Variants in ENPP6 observed in about 807,000 individuals in gnomAD.
The protein encoded by ENPP6 is glycerophosphocholine cholinephosphodiesterase ENPP6.
Under a neutral mutation model 42.0 loss-of-function variants are expected in ENPP6, and 32 were observed. The ratio of observed to expected loss-of-function variants is 0.76; its 90% CI spans 0.58 to 1.02. The LOEUF is 1.02. Ranked by LOEUF, ENPP6 falls within the 50% of genes least tolerant of loss-of-function variation. The probability of loss-of-function intolerance (pLI) is 0.00; values close to 1 mark genes in which losing one functional copy is unlikely to be tolerated. For missense variants in ENPP6, 552 were observed against 566.8 expected (o/e 0.97, Z 0.27); for synonymous variants, 213 against 216.0 (o/e 0.99, Z 0.12).
intron 3 of ENPP6, among the ~76,000 whole-genome samples, chr4:184,121,996 T>C (rs1736422378): frequency 6.6e-6 from 1 of 152,202 alleles, no homozygotes; most frequent in Admixed American, 6.5e-5. Flanking sequence ...GGCAGTATCA[T>C]CCAGCCTATT....
At chr4:184,131,259 T>TTTCTCTTTCTTTCTTTC (rs1553996065) in intron 2 of ENPP6, among the ~76,000 whole-genome samples, 2,281 of 73,280 alleles carry the variant, frequency 0.031, 254 homozygotes, top group Middle Eastern at 0.038. Flanking sequence ...TTTCTCTTTC[T>TTTCTCTTTCTTTCTTTC]CTTCCTTCCT....
chr4:184,194,130 T>G (rs1482984928), intron 1 of ENPP6, among the ~76,000 whole-genome samples: 4 of 152,164 alleles, frequency 2.6e-5, no homozygotes, highest in African/African-American at 7.2e-5. Context: ...TGGTCCCTCA[T>G]CTACTCAGAT....
At chr4:184,144,561 T>C (rs73007818) in intron 2 of ENPP6, among the ~76,000 whole-genome samples, 2,653 of 152,334 alleles carry the variant, frequency 0.017, 88 homozygotes, top group African/African-American at 0.061. Context: ...TGCAGGAGTC[T>C]GGAGCAGCCA....
chr4:184,179,956 GA>G (rs1481126418), intron 1 of ENPP6, among the ~76,000 whole-genome samples: 2 of 152,030 alleles, frequency 1.3e-5, no homozygotes, highest in Non-Finnish European at 2.9e-5. Context: ...ATCACAACTA[GA>G]AGGACTAGAG....
intron 1 of ENPP6, among the ~76,000 whole-genome samples, chr4:184,174,068 G>C (rs1431618634): frequency 6.6e-6 from 1 of 151,928 alleles, no homozygotes; most frequent in African/African-American, 2.4e-5. Context: ...GGCCGGAAGA[G>C]GCACGATCCG....
intron 1 of ENPP6, among the ~76,000 whole-genome samples, chr4:184,193,461 AG>A (rs1170738919): frequency 6.6e-6 from 1 of 152,230 alleles, no homozygotes; most frequent in Non-Finnish European, 1.5e-5. Context: ...GAGGTTGCTT[AG>A]GGCTGGAGGT....
intron 1 of ENPP6, among the ~76,000 whole-genome samples, chr4:184,193,277 A>C (rs1472581125): frequency 6.6e-6 from 1 of 152,260 alleles, no homozygotes; most frequent in African/African-American, 2.4e-5. Context: ...AATGTGGCCT[A>C]TCCACACAGT....
intron 1 of ENPP6, among the ~76,000 whole-genome samples, chr4:184,176,715 T>TAACAAG (rs1737568443): frequency 8.5e-6 from 1 of 117,942 alleles, no homozygotes; most frequent in Admixed American, 9.7e-5. Flanking sequence ...GAAAGTGACA[T>TAACAAG]AACAAGAATT....
intron 2 of ENPP6, among the ~76,000 whole-genome samples, chr4:184,133,041 T>A (rs1736666375): frequency 6.6e-6 from 1 of 152,130 alleles, no homozygotes; most frequent in Non-Finnish European, 1.5e-5. Flanking sequence ...TTTTTGTAGT[T>A]TAAAGTAGGT....
At chr4:184,211,541 G>C (rs1266002259) in intron 1 of ENPP6, among the ~76,000 whole-genome samples, 2 of 152,180 alleles carry the variant, frequency 1.3e-5, no homozygotes, top group African/African-American at 2.4e-5. Context: ...AAACCAGGAA[G>C]GAATTGAATC....
At chr4:184,195,958 T>C (rs1732786962) in intron 1 of ENPP6, among the ~76,000 whole-genome samples, 3 of 152,216 alleles carry the variant, frequency 2.0e-5, no homozygotes, top group South Asian at 2.1e-4. Context: ...ATCAACTGCT[T>C]GACCTGAGGT....
intron 1 of ENPP6, among the ~76,000 whole-genome samples, chr4:184,180,489 C>T (rs1017608416): frequency 2.0e-5 from 3 of 152,126 alleles, no homozygotes; most frequent in Non-Finnish European, 4.4e-5. Flanking sequence ...AAAGGAGTGA[C>T]TCCTCCCTAA....
At chr4:184,163,141 T>C (rs1383962673) in intron 1 of ENPP6, among the ~76,000 whole-genome samples, 1 of 152,160 alleles carries the variant, frequency 6.6e-6, no homozygotes, top group Non-Finnish European at 1.5e-5. Context: ...TGTCGATCAC[T>C]TGGGCAAGGA....
At chr4:184,169,552 C>T (rs529171492) in intron 1 of ENPP6, among the ~76,000 whole-genome samples, 1 of 152,326 alleles carries the variant, frequency 6.6e-6, no homozygotes, top group East Asian at 1.9e-4. Flanking sequence ...CTGTCCCTGG[C>T]TCCTCTCTCT....
intron 1 of ENPP6, among the ~76,000 whole-genome samples, chr4:184,202,798 G>C (rs1209410712): frequency 6.6e-6 from 1 of 152,200 alleles, no homozygotes; most frequent in Non-Finnish European, 1.5e-5. Flanking sequence ...GTGTGGAATT[G>C]CTTGTTGCAA....
At chr4:184,216,884 G>A (rs955588847) in intron 1 of ENPP6, 2 of 152,156 alleles carry the variant, frequency 1.3e-5, no homozygotes, top group Admixed American at 6.5e-5. Flanking sequence ...AGGCAGTCTG[G>A]GTTAGCCGAG....
intron 2 of ENPP6, among the ~76,000 whole-genome samples, chr4:184,140,408 C>T (rs1008740425): frequency 3.3e-5 from 5 of 151,944 alleles, no homozygotes; most frequent in Non-Finnish European, 5.9e-5. Flanking sequence ...TCATATGGAA[C>T]CAAAAAAGAG....
chr4:184,138,785 C>A (rs772846467), intron 2 of ENPP6, among the ~76,000 whole-genome samples: 13 of 152,106 alleles, frequency 8.5e-5, no homozygotes, highest in Non-Finnish European at 1.6e-4. Flanking sequence ...CAACTGGGCC[C>A]GAAGTGATGT....
chr4:184,165,457 C>T (rs1381103533), intron 1 of ENPP6, among the ~76,000 whole-genome samples: 1 of 152,240 alleles, frequency 6.6e-6, no homozygotes, highest in Admixed American at 6.5e-5. Flanking sequence ...CCTCCAGCCA[C>T]GGTGTAGCCT....
Sources: allele counts gnomAD v4.1 joint callset (sites outside exome capture counted in the v4.1 genomes callset), GRCh38; gene constraint gnomAD v4.1.1; transcripts MANE v1.5; gene names NCBI Gene and HGNC (gene_info 2026-07-23, HGNC 2026-07-21).